Variants in CARD8 observed in about 807,000 individuals in gnomAD.
CARD8 encodes the protein caspase recruitment domain-containing protein 8.
A neutral mutation model predicts 53.2 loss-of-function variants in CARD8; 38 were observed. The ratio of observed to expected loss-of-function variants is 0.71; its 90% CI spans 0.55 to 0.94. CARD8 has a LOEUF of 0.94. Ranked by LOEUF, CARD8 falls within the 40% of genes least tolerant of loss-of-function variation. CARD8 has a pLI of 0.00. For synonymous variants in CARD8, 245 were observed against 244.9 expected (o/e 1.00, Z 0.00); for missense variants, 561 against 655.5 (o/e 0.86, Z 1.57).
chr19:48,243,431 G>C (rs1158334351), intron 3 of CARD8, among the ~76,000 whole-genome samples: 3 of 151,988 alleles, frequency 2.0e-5, no homozygotes, highest in Non-Finnish European at 4.4e-5. Flanking sequence ...TCACTCACAG[G>C]TTCCAACTAA....
intron 12 of CARD8, among the ~76,000 whole-genome samples, chr19:48,217,078 C>T (rs1164298035): frequency 2.0e-5 from 3 of 151,886 alleles, no homozygotes; most frequent in Non-Finnish European, 4.4e-5. Context: ...ATAGGGTTCG[C>T]GCTCCTACGA....
At chr19:48,253,597 T>A (rs1226846072) in intron 1 of CARD8, among the ~76,000 whole-genome samples, 1 of 152,098 alleles carries the variant, frequency 6.6e-6, no homozygotes, top group African/African-American at 2.4e-5. Flanking sequence ...AAGATTCCAA[T>A]AAAAGAATGC....
chr19:48,212,006 G>A, intron 13 of CARD8, 31 bp from the exon 14 acceptor site: 1 of 1,602,930 alleles, frequency 6.2e-7, no homozygotes, highest in Non-Finnish European at 8.5e-7. Context: ...CAGACTTTGA[G>A]AATCGTTCAC....
intron 4 of CARD8, among the ~76,000 whole-genome samples, chr19:48,240,534 C>T (rs542567645): frequency 9.9e-5 from 15 of 151,992 alleles, no homozygotes; most frequent in African/African-American, 1.9e-4. Flanking sequence ...TTTGGGAGGC[C>T]GAGGTGGGTG....
At chr19:48,205,852 A>G (rs190104346), downstream of CARD8, among the ~76,000 whole-genome samples, 71 of 152,212 alleles carry the variant, frequency 4.7e-4, 2 homozygotes, top group African/African-American at 1.7e-3. Context: ...TATAAAAGGA[A>G]AGGTAGGGAA....
chr19:48,220,585 T>C (rs1388116475), intron 11 of CARD8, among the ~76,000 whole-genome samples: 1 of 152,192 alleles, frequency 6.6e-6, no homozygotes. Flanking sequence ...ACCTCATCTT[T>C]ATTTTAGAGA....
At chr19:48,255,344 C>A (rs1967009288) in intron 1 of CARD8, among the ~76,000 whole-genome samples, 1 of 152,068 alleles carries the variant, frequency 6.6e-6, no homozygotes, top group African/African-American at 2.4e-5. Flanking sequence ...CCAGCCTAGC[C>A]ACAGAGCGAG....
chr19:48,211,608 C>G lies in CARD8; in HGVS notation c.*102G>C. ...GCCTGTGTGATAGATGTTACCCAGT[C>G]TTCTTCTGTCTTGAACACTGAAATC... On this transcript the variant is annotated 3_prime_UTR_variant, in exon 14 of 14. Transcript: ENST00000651546. 1 of 1,167,326 alleles carries G rather than the reference C, an allele frequency of 8.6e-7. No individual in the cohort carries two copies. The highest frequency in any genetic ancestry group is 2.1e-5 in the Admixed American group (1 of 47,774). 72.3% of individuals were successfully genotyped at this position (1,167,326 alleles called of 1,614,324 possible).
At chr19:48,252,975 C>G (rs1402386568) in intron 1 of CARD8, among the ~76,000 whole-genome samples, 1 of 152,124 alleles carries the variant, frequency 6.6e-6, no homozygotes, top group Admixed American at 6.6e-5. Context: ...CTGCACTGCT[C>G]TATGGCACTT....
In CARD8 at chr19:48,210,458, G is replaced by GT. The variant is rs950456134; in HGVS notation, c.*1251dup. On this transcript the variant is annotated 3_prime_UTR_variant, in exon 14 of 14. Transcript: ENST00000651546. ...ACATAACAGATTACTCTTCTCATGA[G>GT]TTTTTTAAATCTTCTGAGTGATTAA... The GT allele has an allele frequency of 1.5e-4, 23 of 152,238 alleles. No homozygotes were observed. Among genetic ancestry groups the GT allele is most frequent in the African/African-American group, 5.3e-4 (22 of 41,552 alleles). 9.4% of individuals were successfully genotyped at this position (152,238 alleles called of 1,614,324 possible). A position where few individuals can be genotyped will look rare whatever the true frequency, so the allele number is the denominator to read the frequency against.
chr19:48,245,178 C>T (rs2045901521), intron 3 of CARD8, among the ~76,000 whole-genome samples: 1 of 152,096 alleles, frequency 6.6e-6, no homozygotes, highest in South Asian at 2.1e-4. Flanking sequence ...AAATAAGCTA[C>T]AAAAGTAAGA....
chr19:48,206,983 A>G (rs2037372941), downstream of CARD8, among the ~76,000 whole-genome samples: 1 of 151,904 alleles, frequency 6.6e-6, no homozygotes, highest in East Asian at 1.9e-4. Context: ...ACTCACCCCT[A>G]ACCTTCTCCT....
At chr19:48,255,293 G>C (rs1358097404) in intron 1 of CARD8, among the ~76,000 whole-genome samples, 1 of 152,120 alleles carries the variant, frequency 6.6e-6, no homozygotes. Flanking sequence ...TTGAACCTGG[G>C]AGGCAGAGGT....
intron 13 of CARD8, chr19:48,215,123 C>G (rs774707561): frequency 8.6e-5 from 38 of 442,612 alleles, no homozygotes; most frequent in Non-Finnish European, 9.2e-5. Context: ...AACTTTCTCT[C>G]CTGCTCTAAA....
At chr19:48,213,126 T>G (rs1208772568) in intron 13 of CARD8, 2 of 152,240 alleles carry the variant, frequency 1.3e-5, no homozygotes, top group African/African-American at 2.4e-5. Flanking sequence ...CCCACATCTC[T>G]TCCTTGAACT....
intron 3 of CARD8, among the ~76,000 whole-genome samples, chr19:48,246,025 T>C (rs184831852): frequency 1.6e-3 from 242 of 152,268 alleles, no homozygotes; most frequent in African/African-American, 5.7e-3. Flanking sequence ...TTTGTCTGAA[T>C]GTCCTCTTTG....
chr19:48,221,550 C>T (rs2040630203), intron 11 of CARD8, among the ~76,000 whole-genome samples, 180 bp downstream of exon 11: 1 of 152,064 alleles, frequency 6.6e-6, no homozygotes, highest in South Asian at 2.1e-4. Context: ...GTTACCTCTG[C>T]CTTAGGGTCT....
At chr19:48,226,664 G>A (rs539776577) in intron 10 of CARD8, among the ~76,000 whole-genome samples, 3 of 152,288 alleles carry the variant, frequency 2.0e-5, no homozygotes, top group East Asian at 1.9e-4. Context: ...GAAAAACAAT[G>A]GAACCAGTGA....
At chr19:48,207,734 G>GTTTTTTTTTTTTTTTGTT (rs2037434157), downstream of CARD8, among the ~76,000 whole-genome samples, 3 of 116,552 alleles carry the variant, frequency 2.6e-5, no homozygotes, top group African/African-American at 1.1e-4. Flanking sequence ...TTGTTTTTCT[G>GTTTTTTTTTTTTTTTGTT]TTTTTTTTTT....
Sources: gnomAD v4.1 joint callset for allele counts (sites outside exome capture counted in the v4.1 genomes callset) on GRCh38, gnomAD v4.1.1 for gene constraint, MANE v1.5 for transcripts, NCBI Gene and HGNC (gene_info 2026-07-23, HGNC 2026-07-21) for gene names.